The following CSPP1 variants were observed in gnomAD, a reference collection of about 807,000 sequenced individuals.
CSPP1 encodes the protein centrosome and spindle pole associated protein 1.
In CSPP1, 126 loss-of-function variants were observed where a neutral mutation model predicts 164.4. That is an observed-to-expected ratio of 0.77 (90% CI 0.66 to 0.89). CSPP1 has a LOEUF of 0.89. CSPP1 is among the 40% of genes least tolerant of loss of function. CSPP1 has a pLI of 0.00. For synonymous variants in CSPP1, 472 were observed against 476.7 expected (o/e 0.99, Z 0.13); for missense variants, 1,395 against 1,449.8 (o/e 0.96, Z 0.61).
intron 8 of CSPP1, among the ~76,000 whole-genome samples, chr8:67,104,824 G>C (rs1238055672): frequency 6.7e-6 from 1 of 149,604 alleles, no homozygotes; most frequent in Non-Finnish European, 1.5e-5. Context: ...ATTTTTAGTA[G>C]TGATGGGATT....
At chr8:67,113,999 G>T in intron 11 of CSPP1, 137 bp downstream of exon 11, 1 of 541,356 alleles carries the variant, frequency 1.8e-6, no homozygotes, top group Non-Finnish European at 3.4e-6. Flanking sequence ...ACTAAATTCA[G>T]TTCTCATAAA....
intron 10 of CSPP1, 113 bp from the exon 11 acceptor site, chr8:67,113,692 T>C: frequency 1.8e-6 from 1 of 553,772 alleles, no homozygotes; most frequent in Non-Finnish European, 3.2e-6. Context: ...AGGAATTATT[T>C]GTTTTTGTAG....
intron 7 of CSPP1, among the ~76,000 whole-genome samples, chr8:67,096,863 TCAA>T (rs112225349): frequency 0.036 from 5,414 of 152,188 alleles, 196 homozygotes; most frequent in African/African-American, 0.082. Flanking sequence ...AGACTCTGTC[TCAA>T]CAACAACAAT....
At chr8:67,073,575 G>C (rs1807290234) in intron 1 of CSPP1, among the ~76,000 whole-genome samples, 1 of 152,148 alleles carries the variant, frequency 6.6e-6, no homozygotes, top group Non-Finnish European at 1.5e-5. Context: ...GGCTGCTATT[G>C]AGTCAGTTGA....
At chr8:67,177,070 C>CAAAAAAAAAAAAAAAAAA (rs36084458) in intron 26 of CSPP1, among the ~76,000 whole-genome samples, 1 of 51,864 alleles carries the variant, frequency 1.9e-5, no homozygotes, top group Non-Finnish European at 3.9e-5. Context: ...GACTTAGTCT[C>CAAAAAAAAAAAAAAAAAA]AAAAAAAAAA....
At chr8:67,085,554 A>C (rs1810217316) in intron 3 of CSPP1, among the ~76,000 whole-genome samples, 1 of 152,070 alleles carries the variant, frequency 6.6e-6, no homozygotes, top group Non-Finnish European at 1.5e-5. Context: ...ATTAGTGTAT[A>C]ATTAAGTGAA....
intron 4 of CSPP1, among the ~76,000 whole-genome samples, chr8:67,091,292 G>T (rs1811559300): frequency 6.6e-6 from 1 of 152,142 alleles, no homozygotes. Context: ...TTACTTAAAT[G>T]CTTAATGAAC....
chr8:67,091,764 C>T (rs1457671965), intron 4 of CSPP1, 39 bp from the exon 5 acceptor site: 1 of 662,106 alleles, frequency 1.5e-6, no homozygotes. Flanking sequence ...TTTATAAAGG[C>T]AATTAGGTAA....
Position 67,124,492 on chromosome 8 carries a change from TTTTA to T in CSPP1, c.1697+5681_1697+5684del, listed in dbSNP as rs763145185. On this transcript the variant is annotated intron_variant, in intron 15 of 30. Coordinates refer to ENST00000678616, the MANE Select transcript of CSPP1 (RefSeq NM_001382391.1). ...ATAATTATTGCCTTATGCAATTGTCTTTTATTTATTTATAAATTTATTTTTTGAG... is the reference window on the plus strand; with the variant it reads ...ATAATTATTGCCTTATGCAATTGTCTTTTATTTATAAATTTATTTTTTGAG... Among the ~76,000 whole-genome samples the T allele has an allele frequency of 1.1e-4, 16 of 152,262 alleles. No homozygotes were observed. In the East Asian group the frequency reaches 2.5e-3, roughly 24 times the overall value.
intron 9 of CSPP1, among the ~76,000 whole-genome samples, chr8:67,108,214 G>A (rs1039575215): frequency 2.0e-5 from 3 of 151,636 alleles, no homozygotes; most frequent in African/African-American, 4.8e-5. Context: ...GGGCAACATA[G>A]GGAGACCATG....
intron 17 of CSPP1, among the ~76,000 whole-genome samples, chr8:67,140,230 A>G (rs1823228541): frequency 6.6e-6 from 1 of 152,024 alleles, no homozygotes; most frequent in African/African-American, 2.4e-5. Context: ...ATTTATAGGC[A>G]TGCACCACCA....
In CSPP1 at chr8:67,086,060, C is replaced by T. The variant is rs769473253; in HGVS notation, c.253C>T (p.His85Tyr). 4 of 1,531,900 alleles carry T rather than the reference C, an allele frequency of 2.6e-6. No individual in the cohort carries two copies. The Admixed American group carries it at 6.7e-5, about 26-fold the overall frequency. 94.9% of individuals were successfully genotyped at this position (1,531,900 alleles called of 1,614,324 possible). ...PLGEDYERKK[H>Y]KLKEELRQDY... ...TGGAGAAGACTATGAACGGAAGAAA[C>T]ATAAATTAAAAGAAGAATTGCGGCA... The change falls in exon 4 of 31, where the codon CAT becomes TAT. Residue 85 changes from histidine to tyrosine, a missense_variant. Coordinates refer to ENST00000678616, the MANE Select transcript of CSPP1 (RefSeq NM_001382391.1).
At position 67,190,649 on chromosome 8, in the gene CSPP1, G is replaced by A. The variant is rs377059283; in HGVS notation, c.3221-1G>A. On this transcript the variant is annotated splice_acceptor_variant, in intron 28 of 30. Transcript: ENST00000678616. LOFTEE classifies it high-confidence loss of function. Reference sequence around the variant, plus strand: ...CCTTCTGCTTTTCGGGGTCCTCTTAGGGGCTTACGGTGAGACATATCCTGC... The same window carrying A: ...CCTTCTGCTTTTCGGGGTCCTCTTAAGGGCTTACGGTGAGACATATCCTGC... 1.9e-6 allele frequency: 3 copies of A among 1,613,072 alleles called. No homozygotes were observed. The highest frequency in any genetic ancestry group is 1.3e-5 in the African/African-American group (1 of 74,900).
At chr8:67,157,215 T>C (rs1191045738) in intron 19 of CSPP1, among the ~76,000 whole-genome samples, 2 of 152,214 alleles carry the variant, frequency 1.3e-5, no homozygotes, top group Non-Finnish European at 2.9e-5. Flanking sequence ...ATTAGGCTTA[T>C]GCATATTTAA....
chr8:67,085,711 ATC>A (rs1810256470), intron 3 of CSPP1, among the ~76,000 whole-genome samples: 1 of 152,138 alleles, frequency 6.6e-6, no homozygotes, highest in African/African-American at 2.4e-5. Context: ...ATATAAAAGT[ATC>A]TGTTTATAGG....
In CSPP1 at chr8:67,110,394, A is replaced by G. The variant is rs551205268; in HGVS notation, c.1094-1578A>G. On this transcript the variant is annotated intron_variant, in intron 9 of 30. Transcript: ENST00000678616. ...ACTACTACAGAGTGACCTTTCTGAC[A>G]TGTTCCCTGAGAGACCACCAAGAAC... Among the ~76,000 whole-genome samples, 5 of 151,942 alleles carry G rather than the reference A, an allele frequency of 3.3e-5. No individual in the cohort carries two copies. The South Asian group carries it at 6.2e-4, about 19-fold the overall frequency.
intron 7 of CSPP1, among the ~76,000 whole-genome samples, chr8:67,095,937 T>C (rs976881998): frequency 2.6e-5 from 4 of 152,124 alleles, no homozygotes; most frequent in Non-Finnish European, 4.4e-5. Flanking sequence ...GGGGGCCCTG[T>C]TGTAAAGTTG....
intron 4 of CSPP1, among the ~76,000 whole-genome samples, chr8:67,088,226 A>G (rs1423601298): frequency 6.6e-6 from 1 of 152,150 alleles, no homozygotes; most frequent in Non-Finnish European, 1.5e-5. Flanking sequence ...AATTGCCGTC[A>G]TGAAAGTACA....
chr8:67,159,182 A>C, intron 21 of CSPP1, 45 bp downstream of exon 21: 1 of 1,530,716 alleles, frequency 6.5e-7, no homozygotes, highest in Non-Finnish European at 8.9e-7. Flanking sequence ...AGTTTAACTC[A>C]CTTTCACTGT....
Sources: allele counts gnomAD v4.1 joint callset (sites outside exome capture counted in the v4.1 genomes callset), GRCh38; gene constraint gnomAD v4.1.1; transcripts MANE v1.5; gene names NCBI Gene and HGNC (gene_info 2026-07-23, HGNC 2026-07-21).